The following LRP1B variants were observed in gnomAD, a reference collection of about 807,000 sequenced individuals.
LRP1B encodes the protein low-density lipoprotein receptor-related protein 1B.
A neutral mutation model predicts 556.6 loss-of-function variants in LRP1B; 217 were observed. That is an observed-to-expected ratio of 0.39 (90% CI 0.35 to 0.44). LRP1B has a LOEUF of 0.44. Among genes scored for constraint, LRP1B ranks in the 20% least tolerant of loss-of-function variants. LRP1B has a pLI of 1.00. For synonymous variants in LRP1B, 2,047 were observed against 1,865.8 expected, an observed-to-expected ratio of 1.10 and a Z score of -2.50; for missense variants, 5,053 against 5,620.8, an observed-to-expected ratio of 0.90 and a Z score of 3.23.
chr2:141,965,721 A>G (rs1368196230), intron 1 of LRP1B, among the ~76,000 whole-genome samples: 4 of 144,798 alleles, frequency 2.8e-5, no homozygotes, highest in Non-Finnish European at 4.5e-5. Context: ...CAATGTGCAC[A>G]TGTACCCTAA....
chr2:140,675,231 C>A (rs931429814), intron 41 of LRP1B, among the ~76,000 whole-genome samples: 1 of 152,184 alleles, frequency 6.6e-6, no homozygotes, highest in African/African-American at 2.4e-5. Flanking sequence ...AATACCTTTG[C>A]AACACTGTTT....
intron 2 of LRP1B, among the ~76,000 whole-genome samples, chr2:141,508,765 A>C (rs1437349114): frequency 2.6e-5 from 4 of 152,130 alleles, no homozygotes; most frequent in African/African-American, 9.7e-5. Context: ...TGTTATTTTT[A>C]GAGCTCAAGT....
In LRP1B at chr2:141,949,416, C is replaced by T. The variant is rs118134546; in HGVS notation, c.83-139015G>A. 3.6e-3 allele frequency among the ~76,000 whole-genome samples: 554 copies of T among 152,132 alleles called. 4 individuals carry two copies. The highest frequency in any genetic ancestry group is 0.013 in the East Asian group (65 of 5,172). On this transcript the variant is annotated intron_variant, in intron 1 of 90. Coordinates refer to ENST00000389484, the MANE Select transcript of LRP1B (RefSeq NM_018557.3). ...AATTATCCATATATATATGGAGACACGGTCTCGCTCTGTCTCCAGGCTGGA... is the reference window on the plus strand; with the variant it reads ...AATTATCCATATATATATGGAGACATGGTCTCGCTCTGTCTCCAGGCTGGA...
At chr2:142,015,924 G>A (rs1300645726) in intron 1 of LRP1B, among the ~76,000 whole-genome samples, 10 of 138,476 alleles carry the variant, frequency 7.2e-5, no homozygotes, top group East Asian at 2.4e-4. Flanking sequence ...CCCGGGAGTC[G>A]GAGCTTGCAG....
intron 3 of LRP1B, among the ~76,000 whole-genome samples, chr2:141,357,738 G>A (rs997762701): frequency 6.6e-6 from 1 of 152,094 alleles, no homozygotes; most frequent in Admixed American, 6.6e-5. Flanking sequence ...AATTAATGGG[G>A]ATTTATGGAA....
intron 2 of LRP1B, among the ~76,000 whole-genome samples, chr2:141,738,288 A>G (rs1693566312): frequency 6.6e-6 from 1 of 152,170 alleles, no homozygotes; most frequent in African/African-American, 2.4e-5. Flanking sequence ...CTCTCCCAAT[A>G]GAGAAATACT....
intron 74 of LRP1B, among the ~76,000 whole-genome samples, chr2:140,357,378 TA>T (rs917899555): frequency 1.6e-4 from 23 of 147,374 alleles, no homozygotes; most frequent in South Asian, 4.3e-4. Context: ...ATGCATAAAT[TA>T]AAAAAAAAAG....
intron 21 of LRP1B, among the ~76,000 whole-genome samples, chr2:140,922,635 G>T (rs1694770490): frequency 6.6e-6 from 1 of 151,722 alleles, no homozygotes; most frequent in Non-Finnish European, 1.5e-5. Flanking sequence ...CAGATTGCCT[G>T]GTTTAAAAAT....
chr2:141,062,534 T>G (rs1699364206), intron 7 of LRP1B, among the ~76,000 whole-genome samples: 1 of 151,790 alleles, frequency 6.6e-6, no homozygotes, highest in South Asian at 2.1e-4. Flanking sequence ...ATTTTTGTAT[T>G]AGCAGAAATG....
At chr2:140,478,440 T>C (rs113233489) in intron 59 of LRP1B, among the ~76,000 whole-genome samples, 8,607 of 152,164 alleles carry the variant, frequency 0.057, 300 homozygotes, top group African/African-American at 0.08. Flanking sequence ...TGAGCCACCG[T>C]GCCAATTTAG....
At chr2:141,952,438 C>A (rs889249615) in intron 1 of LRP1B, among the ~76,000 whole-genome samples, 5 of 152,062 alleles carry the variant, frequency 3.3e-5, no homozygotes, top group Non-Finnish European at 7.4e-5. Context: ...ATGCCTTGAA[C>A]AGAATTACAA....
intron 3 of LRP1B, among the ~76,000 whole-genome samples, chr2:141,271,735 G>C (rs1302472412): frequency 6.9e-6 from 1 of 144,774 alleles, no homozygotes; most frequent in Non-Finnish European, 1.5e-5. Flanking sequence ...TTTAGACACA[G>C]AACAATTGAC....
At chr2:141,458,576 T>C (rs1414825513) in intron 3 of LRP1B, among the ~76,000 whole-genome samples, 1 of 152,290 alleles carries the variant, frequency 6.6e-6, no homozygotes, top group Admixed American at 6.5e-5. Context: ...TTTTTTAGGC[T>C]GACTCAGTGC....
At chr2:140,926,151 T>A (rs538224045) in intron 20 of LRP1B, among the ~76,000 whole-genome samples, 1 of 147,228 alleles carries the variant, frequency 6.8e-6, no homozygotes, top group Non-Finnish European at 1.5e-5. Context: ...AACTGCATTA[T>A]AATAACATAA....
At chr2:140,505,761 C>T (rs1689382003) in intron 53 of LRP1B, among the ~76,000 whole-genome samples, 1 of 152,164 alleles carries the variant, frequency 6.6e-6, no homozygotes, top group Admixed American at 6.5e-5. Context: ...AAGGCCAAGG[C>T]TATAGACGCT....
intron 71 of LRP1B, among the ~76,000 whole-genome samples, chr2:140,368,963 G>T (rs1021964054): frequency 1.3e-5 from 2 of 151,850 alleles, no homozygotes; most frequent in African/African-American, 4.8e-5. Flanking sequence ...TTAGAGGTGT[G>T]AATGGAGGGG....
chr2:141,530,337 C>T (rs1407060420), intron 2 of LRP1B, among the ~76,000 whole-genome samples: 3 of 151,988 alleles, frequency 2.0e-5, no homozygotes, highest in Non-Finnish European at 2.9e-5. Flanking sequence ...TCAATATCAC[C>T]AAAGTGCATT....
At chr2:141,513,132 C>A (rs1279685418) in intron 2 of LRP1B, among the ~76,000 whole-genome samples, 1 of 152,028 alleles carries the variant, frequency 6.6e-6, no homozygotes, top group African/African-American at 2.4e-5. Context: ...AATGTGTTTT[C>A]TTTTAAAAAG....
chr2:141,747,668 A>G (rs563488150), intron 2 of LRP1B, among the ~76,000 whole-genome samples: 2 of 152,274 alleles, frequency 1.3e-5, no homozygotes, highest in African/African-American at 2.4e-5. Context: ...GCCTTCTAAA[A>G]TCACTTTAAA....
Sources: allele counts gnomAD v4.1 joint callset (sites outside exome capture counted in the v4.1 genomes callset), GRCh38; gene constraint gnomAD v4.1.1; transcripts MANE v1.5; gene names NCBI Gene and HGNC (gene_info 2026-07-23, HGNC 2026-07-21).